FLOT2: variants seen among roughly 807,000 people sequenced by gnomAD.
FLOT2 encodes the protein flotillin 2.
FLOT2 carries 35 observed loss-of-function variants against 54.9 expected under a neutral mutation model. That is an observed-to-expected ratio of 0.64 (90% CI 0.49 to 0.84). The LOEUF is 0.84. Among genes scored for constraint, FLOT2 ranks in the 40% least tolerant of loss-of-function variants. The pLI is 0.00. For missense variants in FLOT2, 464 were observed against 572.1 expected (o/e 0.81, Z 1.93); for synonymous variants, 207 against 228.9 (o/e 0.90, Z 0.86).
Position 28,882,788 on chromosome 17 carries a change from CT to C in FLOT2, c.347-98del. ...TAGAGGTAGGGGTGCATGCGGGGTG[CT>C]GCACTCTGAGCTGGGTCTTCCTGGG... is the stretch of plus-strand genomic sequence containing the variant. On this transcript the variant is annotated intron_variant, in intron 4 of 10. Transcript: ENST00000394908. The surrounding 1 kb of genome is among the most constrained non-coding windows in gnomAD (Gnocchi z 5.6). 1.2e-6 allele frequency: 1 copy of C among 810,260 alleles called. No homozygotes were observed. The highest frequency in any genetic ancestry group is 2.1e-6 in the Non-Finnish European group (1 of 482,084). 50.2% of individuals were successfully genotyped at this position (810,260 alleles called of 1,614,324 possible). A position where few individuals can be genotyped will look rare whatever the true frequency, so the allele number is the denominator to read the frequency against.
In FLOT2 at chr17:28,880,741, TGCACAGAGGCAG is replaced by T; in HGVS notation, c.1208_1219del (p.Pro403_Val406del). On this transcript the variant is annotated inframe_deletion, in exon 10 of 11. Transcript: ENST00000394908. Reference sequence around the variant, plus strand: ...AGACAGGTCCACGCCTGTGAGGGCATGCACAGAGGCAGGCAGCTCGGCCAGCAGTCGGTTCAC... The same window carrying T: ...AGACAGGTCCACGCCTGTGAGGGCATGCAGCTCGGCCAGCAGTCGGTTCAC... 6.2e-7 allele frequency: 1 copy of T among 1,614,246 alleles called. No homozygotes were observed. The highest frequency in any genetic ancestry group is 8.5e-7 in the Non-Finnish European group (1 of 1,180,044).
At chr17:28,888,834 G>T in intron 2 of FLOT2, 111 bp downstream of exon 2, 1 of 403,050 alleles carries the variant, frequency 2.5e-6, no homozygotes, top group South Asian at 1.8e-5. Flanking sequence ...AGAATGGAAT[G>T]TGGAAATGGT....
rs769129691 is a variant in FLOT2, at chr17:28,882,369, C to T, written c.547G>A (p.Val183Met). Reference sequence around the variant, plus strand: ...CCTGCGTCCCGTTCAGCCTCGGCCACGCCAATGTCAGCATCTCTCTGCACC... The same window carrying T: ...CCTGCGTCCCGTTCAGCCTCGGCCATGCCAATGTCAGCATCTCTCTGCACC... The part of the protein sequence containing the change: ...AVVQRDADIG[V>M]AEAERDAGIR... Residue 183 changes from valine (V) to methionine (M), a missense_variant, in exon 6 of 11, where the codon GTG becomes ATG. Val to Met is a conservative substitution (Grantham distance 21, BLOSUM62 1). Coordinates refer to ENST00000394908, the MANE Select transcript of FLOT2 (RefSeq NM_004475.3). This position sits in a 1 kb window ranked among gnomAD's most constrained non-coding sequence, Gnocchi z 5.6. 9.9e-6 allele frequency: 16 copies of T among 1,614,068 alleles called. No individual in the cohort carries two copies. The Admixed American group carries it at 1.2e-4, about 12-fold the overall frequency.
At chr17:28,891,560 G>C (rs1223616594) in intron 1 of FLOT2, among the ~76,000 whole-genome samples, 1 of 152,260 alleles carries the variant, frequency 6.6e-6, no homozygotes, top group Non-Finnish European at 1.5e-5. Context: ...AACTTTCTGT[G>C]AGGGTAGGAA....
rs756837327 is a variant in FLOT2, at chr17:28,897,489, C to T, written c.49+37G>A. 13 of 1,585,824 alleles carry T rather than the reference C, an allele frequency of 8.2e-6. No homozygotes were observed. In the South Asian group the frequency reaches 1.3e-4, roughly 15 times the overall value. ...CCCAGCCCTGCACCCACCCCGAGCA[C>T]CCTCCACAGCTCCCACCTTCCTCGC... is the stretch of plus-strand genomic sequence containing the variant. On this transcript the variant is annotated intron_variant, in intron 1 of 10. Coordinates refer to ENST00000394908, the MANE Select transcript of FLOT2 (RefSeq NM_004475.3). This position sits in a 1 kb window ranked among gnomAD's most constrained non-coding sequence, Gnocchi z 4.4.
In FLOT2 at chr17:28,879,838, C is replaced by T. The variant is rs1321053929; in HGVS notation, c.*723G>A. ...CAGCAGGAACATGCCCATGAAGAGG[C>T]CTTCCCTGAGCACAAGCAGGGGCCT... On this transcript the variant is annotated 3_prime_UTR_variant, in exon 11 of 11. Transcript: ENST00000394908. The T allele has an allele frequency of 2.0e-6, 2 of 985,930 alleles. No individual in the cohort carries two copies. Among genetic ancestry groups the T allele is most frequent in the African/African-American group, 3.5e-5 (2 of 57,258 alleles). 61.1% of individuals were successfully genotyped at this position (985,930 alleles called of 1,614,324 possible). A position where few individuals can be genotyped will look rare whatever the true frequency, so the allele number is the denominator to read the frequency against.
At position 28,896,769 on chromosome 17, in the gene FLOT2, C is replaced by G. The variant is rs989646211; in HGVS notation, c.49+757G>C. ...CTCCAAGCTGTCAGGCACCAGGACCCCCGTCCCCCAGCTCCTGAGAGCAAG... is the reference window on the plus strand; with the variant it reads ...CTCCAAGCTGTCAGGCACCAGGACCGCCGTCCCCCAGCTCCTGAGAGCAAG... On this transcript the variant is annotated intron_variant, in intron 1 of 10. Transcript: ENST00000394908. Among the ~76,000 whole-genome samples the G allele has an allele frequency of 6.6e-5, 10 of 152,270 alleles. No homozygotes were observed. The South Asian group carries it at 1.2e-3, about 19-fold the overall frequency.
In FLOT2 at chr17:28,881,391, C is replaced by T. The variant is rs927380131; in HGVS notation, c.915-16G>A. ...CTGCTTCACCCTGGGGGAGCCCAGG[C>T]CAGTTAGGATCAGTGGGACGTACCA... On this transcript the variant is annotated splice_polypyrimidine_tract_variant and intron_variant, in intron 8 of 10. Coordinates refer to ENST00000394908, the MANE Select transcript of FLOT2 (RefSeq NM_004475.3). 2 of 1,607,610 alleles carry T rather than the reference C, an allele frequency of 1.2e-6. No homozygotes were observed. Among genetic ancestry groups the T allele is most frequent in the Admixed American group, 3.3e-5 (2 of 60,012 alleles).
At chr17:28,887,604 A>G (rs999975818) in intron 2 of FLOT2, among the ~76,000 whole-genome samples, 1 of 152,220 alleles carries the variant, frequency 6.6e-6, no homozygotes, top group African/African-American at 2.4e-5. Flanking sequence ...ATCTGGAGAA[A>G]GGACTGCAGG....
In FLOT2 at chr17:28,880,280, A is replaced by G; in HGVS notation, c.*281T>C. On this transcript the variant is annotated 3_prime_UTR_variant, in exon 11 of 11. Transcript: ENST00000394908. The stretch of plus-strand genomic sequence containing the variant: ...CTTCAGCTTAATCTACATGATGTGC[A>G]TGGGGGAAAGAAAAAGACAGACAAA... The G allele has an allele frequency of 1.5e-6, 2 of 1,340,492 alleles. No individual in the cohort carries two copies. The highest frequency in any genetic ancestry group is 9.6e-7 in the Non-Finnish European group (1 of 1,044,484). The allele number at this position is 1,340,492 out of a possible 1,614,324, so 83.0% of individuals were successfully genotyped here.
At chr17:28,881,456 A>G in intron 8 of FLOT2, 81 bp from the exon 9 acceptor site, 1 of 1,414,844 alleles carries the variant, frequency 7.1e-7, no homozygotes, top group Non-Finnish European at 9.8e-7. Flanking sequence ...GCAAACCTTC[A>G]AACCCTCTGC....
In FLOT2 at chr17:28,882,554, G is replaced by GCTTC; in HGVS notation, c.465+15_465+18dup. 6.3e-7 allele frequency: 1 copy of GCTTC among 1,591,414 alleles called. No individual in the cohort carries two copies. ...TCCCAGATGGACGCCAGGAGATACAGCTTCCCATCACGTCGTACCTTGATG... is the reference window on the plus strand; with the variant it reads ...TCCCAGATGGACGCCAGGAGATACAGCTTCCTTCCCATCACGTCGTACCTTGATG... On this transcript the variant is annotated intron_variant, in intron 5 of 10. Transcript: ENST00000394908. The surrounding 1 kb of genome is among the most constrained non-coding windows in gnomAD (Gnocchi z 5.6).
intron 1 of FLOT2, among the ~76,000 whole-genome samples, chr17:28,893,918 G>A (rs530725074): frequency 6.6e-6 from 1 of 152,336 alleles, no homozygotes; most frequent in East Asian, 1.9e-4. Context: ...AATCTTTAGT[G>A]TTGTGAGCCC....
rs1217364148 is a variant in FLOT2 at position 28,881,203 on chromosome 17, C to T, written c.1087G>A (p.Ala363Thr). The T allele has an allele frequency of 6.2e-7, 1 of 1,613,750 alleles. No individual in the cohort carries two copies. Among genetic ancestry groups the T allele is most frequent in the East Asian group, 2.2e-5 (1 of 44,872 alleles). ...GGTGGAAGCCTCACCTGGGGCAGGG[C>T]CTCTAGCACCAAGGCCATCTTGGCT... ...DAAKMALVLE[A>T]LPQIAAKIAA... Residue 363 changes from alanine to threonine, a missense_variant, in exon 9 of 11, where the codon GCC becomes ACC. Physicochemically the swap from Ala to Thr is moderately conservative, Grantham distance 58. Transcript: ENST00000394908.
At position 28,888,955 on chromosome 17, in the gene FLOT2, C is replaced by A. The variant is rs775401852; in HGVS notation, c.121G>T (p.Asp41Tyr). 2 of 1,614,014 alleles carry A rather than the reference C, an allele frequency of 1.2e-6. No individual in the cohort carries two copies. The highest frequency in any genetic ancestry group is 4.5e-5 in the East Asian group (2 of 44,886). The change falls in exon 2 of 11, where the codon GAC (aspartate) becomes TAC (tyrosine). Residue 41 changes from aspartate (D) to tyrosine (Y), a missense_variant. Transcript: ENST00000394908. ...GWAWAWWCISDTQRISLEIMT... is the reference protein window; with the variant it reads ...GWAWAWWCISYTQRISLEIMT... ...CCCCCAGGTGCTTACCTCTGAGTGT[C>A]GGAGATACACCACCAGGCCCAGGCC...
chr17:28,889,337 T>C (rs1428049326), intron 1 of FLOT2, among the ~76,000 whole-genome samples: 1 of 151,972 alleles, frequency 6.6e-6, no homozygotes, highest in East Asian at 1.9e-4. Context: ...GAAAAAGCTT[T>C]TTTTTTTTTT....
chr17:28,880,416 C>T lies in FLOT2; in HGVS notation c.*145G>A. 6.7e-7 allele frequency: 1 copy of T among 1,499,422 alleles called. No homozygotes were observed. Among genetic ancestry groups the T allele is most frequent in the Non-Finnish European group, 8.9e-7 (1 of 1,125,670 alleles). The allele number at this position is 1,499,422 out of a possible 1,614,324, so 92.9% of individuals were successfully genotyped here. A position where few individuals can be genotyped will look rare whatever the true frequency, so the allele number is the denominator to read the frequency against. On this transcript the variant is annotated 3_prime_UTR_variant, in exon 11 of 11. Coordinates refer to ENST00000394908, the MANE Select transcript of FLOT2 (RefSeq NM_004475.3). Reference sequence around the variant, plus strand: ...ACAGACAGGAGAGACAGGAAGACAGCCAGAGATGGCCTGAACACGCAGCAC... The same window carrying T: ...ACAGACAGGAGAGACAGGAAGACAGTCAGAGATGGCCTGAACACGCAGCAC...
At chr17:28,894,492 C>T (rs1453652272) in intron 1 of FLOT2, among the ~76,000 whole-genome samples, 3 of 151,928 alleles carry the variant, frequency 2.0e-5, no homozygotes, top group Non-Finnish European at 4.4e-5. Context: ...GGCACTGTGG[C>T]GTGCACCTGT....
At chr17:28,895,453 G>T (rs1246634767) in intron 1 of FLOT2, among the ~76,000 whole-genome samples, 1 of 151,844 alleles carries the variant, frequency 6.6e-6, no homozygotes, top group Non-Finnish European at 1.5e-5. Context: ...AACAGAAACG[G>T]GATTTCACCA....
Sources: allele counts gnomAD v4.1 joint callset (sites outside exome capture counted in the v4.1 genomes callset), GRCh38; gene constraint gnomAD v4.1.1; non-coding constraint Gnocchi (gnomAD v3.1); transcripts MANE v1.5; gene names NCBI Gene and HGNC (gene_info 2026-07-23, HGNC 2026-07-21).